Variants in SHPK observed in about 807,000 individuals in gnomAD.
SHPK encodes the protein carbohydrate kinase-like protein.
SHPK carries 51 observed loss-of-function variants against 46.3 expected under a neutral mutation model. That is an observed-to-expected ratio of 1.10 (90% CI 0.88 to 1.39). The LOEUF (loss-of-function observed/expected upper bound fraction) is 1.39, where lower values mean the gene tolerates loss of function less well. Ranked by LOEUF, SHPK falls within the 40% of genes most tolerant of loss-of-function variation. The probability of loss-of-function intolerance (pLI) is 0.00; values close to 1 mark genes in which losing one functional copy is unlikely to be tolerated. For synonymous variants in SHPK, 290 were observed against 273.9 expected, an observed-to-expected ratio of 1.06 and a Z score of -0.58; for missense variants, 668 against 641.3, an observed-to-expected ratio of 1.04 and a Z score of -0.45.
Position 3,610,501 on chromosome 17 carries a change from T to C in SHPK, c.*59A>G, listed in dbSNP as rs908302040. 5 of 1,500,518 alleles carry C rather than the reference T, an allele frequency of 3.3e-6. No homozygotes were observed. The South Asian group carries it at 5.0e-5, about 15-fold the overall frequency. The allele number at this position is 1,500,518 out of a possible 1,614,324, so 93.0% of individuals were successfully genotyped here. On this transcript the variant is annotated 3_prime_UTR_variant, in exon 7 of 7. Coordinates refer to ENST00000225519, the MANE Select transcript of SHPK (RefSeq NM_013276.4). ...CAGGGAAAGGATGACCCACAGATGGTGTCAGGAATGTTAATCAGGTAAAAT... is the reference window on the plus strand; with the variant it reads ...CAGGGAAAGGATGACCCACAGATGGCGTCAGGAATGTTAATCAGGTAAAAT...
intron 1 of SHPK, among the ~76,000 whole-genome samples, chr17:3,634,820 G>A (rs1404477371): frequency 1.3e-5 from 2 of 152,000 alleles, no homozygotes; most frequent in African/African-American, 2.4e-5. Context: ...ATGCTTCTGA[G>A]CCAAATGGGC....
rs142106071 is a variant in SHPK at position 3,618,652 on chromosome 17, C to T, written c.823+2585G>A. Among the ~76,000 whole-genome samples the T allele has an allele frequency of 1.8e-3, 276 of 152,032 alleles. 13 individuals carry two copies. In the East Asian group the frequency reaches 0.049, roughly 27 times the overall value. On this transcript the variant is annotated intron_variant, in intron 5 of 6. Coordinates refer to ENST00000225519, the MANE Select transcript of SHPK (RefSeq NM_013276.4). ...AAAATTAGCTGGGTGTGGTGGCGTGCGCCTGTAGTCTCAGCTACTTGGGAG... is the reference window on the plus strand; with the variant it reads ...AAAATTAGCTGGGTGTGGTGGCGTGTGCCTGTAGTCTCAGCTACTTGGGAG...
At chr17:3,612,085 T>C (rs2150865918) in intron 6 of SHPK, among the ~76,000 whole-genome samples, 2 of 150,798 alleles carry the variant, frequency 1.3e-5, no homozygotes, top group Admixed American at 1.3e-4. Flanking sequence ...GTTACAGGCA[T>C]GAGCCACCAT....
At chr17:3,614,438 T>C (rs1379369899) in intron 6 of SHPK, among the ~76,000 whole-genome samples, 1 of 151,820 alleles carries the variant, frequency 6.6e-6, no homozygotes, top group Non-Finnish European at 1.5e-5. Flanking sequence ...GGCAGGAGAA[T>C]GGCGTGAACC....
intron 6 of SHPK, among the ~76,000 whole-genome samples, chr17:3,613,909 G>A (rs2075357098): frequency 1.3e-5 from 2 of 152,062 alleles, no homozygotes; most frequent in African/African-American, 4.8e-5. Flanking sequence ...CTCCTCTCTG[G>A]GAAATACTTG....
chr17:3,634,821 C>A (rs1053576439), intron 1 of SHPK, among the ~76,000 whole-genome samples: 11 of 152,040 alleles, frequency 7.2e-5, no homozygotes, highest in African/African-American at 2.4e-4. Context: ...TGCTTCTGAG[C>A]CAAATGGGCT....
rs368027774 is a variant in SHPK, at chr17:3,629,948, G to A, written c.310+257C>T. Among the ~76,000 whole-genome samples the A allele has an allele frequency of 1.1e-4, 17 of 152,146 alleles. No individual in the cohort carries two copies. In the East Asian group the frequency reaches 1.5e-3, roughly 14 times the overall value. On this transcript the variant is annotated intron_variant, in intron 2 of 6. Coordinates refer to ENST00000225519, the MANE Select transcript of SHPK (RefSeq NM_013276.4). ...TCTGCTGAATCCTTCAGGAGAATCC[G>A]AGAAAACACTCTCTTCCCTCTGCCT...
intron 5 of SHPK, among the ~76,000 whole-genome samples, chr17:3,617,741 CTT>C (rs532439398): frequency 8.0e-4 from 122 of 152,286 alleles, no homozygotes; most frequent in Non-Finnish European, 1.3e-3. Context: ...TCTGACCTCT[CTT>C]TCTTTGTACC....
intron 1 of SHPK, among the ~76,000 whole-genome samples, chr17:3,634,778 A>G (rs2075497377): frequency 6.6e-6 from 1 of 152,092 alleles, no homozygotes; most frequent in Admixed American, 6.6e-5. Context: ...CTATGTAGAT[A>G]CAAAGTGCTC....
intron 5 of SHPK, among the ~76,000 whole-genome samples, 185 bp downstream of exon 5, chr17:3,621,052 G>A (rs2075397152): frequency 6.6e-6 from 1 of 152,198 alleles, no homozygotes; most frequent in Non-Finnish European, 1.5e-5. Flanking sequence ...CTGCTGGCCT[G>A]TAAGCTCCCT....
chr17:3,610,529 A>C lies in SHPK; in HGVS notation c.*31T>G. ...CAGGAATGTTAATCAGGTAAAATTC[A>C]CAGCAGTCGTTTGGCGAAAGAGTTT... On this transcript the variant is annotated 3_prime_UTR_variant, in exon 7 of 7. Coordinates refer to ENST00000225519, the MANE Select transcript of SHPK (RefSeq NM_013276.4). 1 of 1,565,336 alleles carries C rather than the reference A, an allele frequency of 6.4e-7. No homozygotes were observed. The highest frequency in any genetic ancestry group is 1.2e-5 in the South Asian group (1 of 84,836).
rs1406845116 is a variant in SHPK, at chr17:3,610,706, C to T, written c.1291G>A (p.Gly431Arg). 1 of 1,614,178 alleles carries T rather than the reference C, an allele frequency of 6.2e-7. No individual in the cohort carries two copies. The highest frequency in any genetic ancestry group is 8.5e-7 in the Non-Finnish European group (1 of 1,180,042). ...ACGTCATTCCTGGACAGCGCACTCCCACTGCCCATCACCCTCTCCACGCCC... is the reference window on the plus strand; with the variant it reads ...ACGTCATTCCTGGACAGCGCACTCCTACTGCCCATCACCCTCTCCACGCCC... ...EWGVERVMGS[G>R]SALSRNDVLK... Residue 431 changes from glycine to arginine, a missense_variant, in exon 7 of 7, where the codon GGG becomes AGG. By Grantham distance (125) the Gly-to-Arg change is moderately radical. Transcript: ENST00000225519.
At chr17:3,622,849 C>T (rs760224228) in intron 4 of SHPK, among the ~76,000 whole-genome samples, 11 of 151,912 alleles carry the variant, frequency 7.2e-5, no homozygotes, top group Non-Finnish European at 1.2e-4. Flanking sequence ...GGATTACAGG[C>T]GCACTCCACC....
Position 3,621,268 on chromosome 17 carries a change from G to T in SHPK, c.792C>A (p.Val264=). Residue 264 remains valine (V), a synonymous_variant, in exon 5 of 7, where the codon GTC becomes GTA. Transcript: ENST00000225519. ...CTGTCCTCTGGGCCATGCAGGAATAGACAGAGGCCTGTAAATCACCCAAGG... is the reference window on the plus strand; with the variant it reads ...CTGTCCTCTGGGCCATGCAGGAATATACAGAGGCCTGTAAATCACCCAAGG... ...GVALGDLQAS[V]YSCMAQRTDA... The T allele has an allele frequency of 6.2e-7, 1 of 1,613,860 alleles. No homozygotes were observed. Among genetic ancestry groups the T allele is most frequent in the Non-Finnish European group, 8.5e-7 (1 of 1,179,906 alleles).
chr17:3,609,199 A>G lies in SHPK; in HGVS notation c.*1361T>C, dbSNP rs1036460187. 1 of 152,194 alleles carries G rather than the reference A, an allele frequency of 6.6e-6. No individual in the cohort carries two copies. Among genetic ancestry groups the G allele is most frequent in the Non-Finnish European group, 1.5e-5 (1 of 68,038 alleles). 9.4% of individuals were successfully genotyped at this position (152,194 alleles called of 1,614,324 possible). On this transcript the variant is annotated 3_prime_UTR_variant, in exon 7 of 7. Transcript: ENST00000225519. ...ACATGCCCGGCCAAGAATGGGCTTTAGTATCTGACATTTGGCCAGAGTGAT... is the reference window on the plus strand; with the variant it reads ...ACATGCCCGGCCAAGAATGGGCTTTGGTATCTGACATTTGGCCAGAGTGAT...
At chr17:3,623,937 G>T in intron 3 of SHPK, 111 bp downstream of exon 3, 3 of 1,081,142 alleles carry the variant, frequency 2.8e-6, no homozygotes, top group South Asian at 1.5e-5. Flanking sequence ...GTCCTGCCAG[G>T]ACACACTCAC....
At chr17:3,622,624 C>A (rs1033312075) in intron 4 of SHPK, 17 of 982,564 alleles carry the variant, frequency 1.7e-5, no homozygotes, top group Non-Finnish European at 1.9e-5. Flanking sequence ...GGGCACTGGA[C>A]TTCTGTACCT....
chr17:3,633,804 T>C (rs949478441), intron 1 of SHPK, among the ~76,000 whole-genome samples: 2 of 152,092 alleles, frequency 1.3e-5, no homozygotes, highest in African/African-American at 4.8e-5. Context: ...ATGATGACAA[T>C]GGCGGTTTTG....
chr17:3,614,481 C>A (rs1260555513), intron 6 of SHPK, among the ~76,000 whole-genome samples: 1 of 150,862 alleles, frequency 6.6e-6, no homozygotes, highest in African/African-American at 2.4e-5. Flanking sequence ...GCCGAGATCG[C>A]ACTACTGCAC....
Sources: allele counts gnomAD v4.1 joint callset (sites outside exome capture counted in the v4.1 genomes callset), GRCh38; gene constraint gnomAD v4.1.1; transcripts MANE v1.5; gene names NCBI Gene and HGNC (gene_info 2026-07-23, HGNC 2026-07-21).